Variants in GALNT17 observed in about 807,000 individuals in gnomAD.
GALNT17 encodes the protein UDP-GalNAc:polypeptide N-acetylgalactosaminyltransferase-like 3.
Under a neutral mutation model 63.7 loss-of-function variants are expected in GALNT17, and 29 were observed. The ratio of observed to expected loss-of-function variants is 0.46; its 90% CI spans 0.34 to 0.62. The LOEUF (loss-of-function observed/expected upper bound fraction) is 0.62, where lower values mean the gene tolerates loss of function less well. Ranked by LOEUF, GALNT17 falls within the 20% of genes least tolerant of loss-of-function variation. The probability of loss-of-function intolerance (pLI) is 0.01; values close to 1 mark genes in which losing one functional copy is unlikely to be tolerated. For synonymous variants in GALNT17, 305 were observed against 318.3 expected (o/e 0.96, Z 0.45); for missense variants, 603 against 799.6 (o/e 0.75, Z 2.97).
chr7:71,165,868 G>A (rs190445201), intron 1 of GALNT17, among the ~76,000 whole-genome samples: 1 of 152,118 alleles, frequency 6.6e-6, no homozygotes, highest in Admixed American at 6.5e-5. Flanking sequence ...TGGAGTATGT[G>A]ACTATGTAAA....
At chr7:71,156,753 C>A (rs898618014) in intron 1 of GALNT17, among the ~76,000 whole-genome samples, 2 of 150,290 alleles carry the variant, frequency 1.3e-5, no homozygotes, top group Non-Finnish European at 2.9e-5. Flanking sequence ...CTCTGTTGCC[C>A]AGGCTCACTG....
chr7:71,190,010 A>G (rs1431007415), intron 1 of GALNT17, among the ~76,000 whole-genome samples: 1 of 151,824 alleles, frequency 6.6e-6, no homozygotes, highest in Admixed American at 6.6e-5. Context: ...GCAGGGTTTC[A>G]CTGTGTTAGC....
chr7:71,696,792 T>C (rs913557694), intron 9 of GALNT17, among the ~76,000 whole-genome samples: 1 of 152,152 alleles, frequency 6.6e-6, no homozygotes, highest in Non-Finnish European at 1.5e-5. Context: ...AGGAGCCAAA[T>C]AGAGTAATCC....
intron 9 of GALNT17, among the ~76,000 whole-genome samples, chr7:71,692,250 G>A (rs550312618): frequency 2.0e-5 from 3 of 152,222 alleles, no homozygotes; most frequent in African/African-American, 7.2e-5. Flanking sequence ...AGGCACAATA[G>A]CATTTCAGAG....
intron 5 of GALNT17, among the ~76,000 whole-genome samples, chr7:71,499,184 C>T (rs898229260): frequency 6.6e-6 from 1 of 152,164 alleles, no homozygotes; most frequent in Non-Finnish European, 1.5e-5. Context: ...AGACCGTCAT[C>T]CCCTTACCTG....
chr7:71,681,422 C>T (rs944330707), intron 9 of GALNT17, among the ~76,000 whole-genome samples: 18 of 152,256 alleles, frequency 1.2e-4, no homozygotes, highest in Admixed American at 7.2e-4. Context: ...CTGAGATGGC[C>T]AAGAGTTGGA....
intron 5 of GALNT17, among the ~76,000 whole-genome samples, chr7:71,450,365 C>G (rs1372651092): frequency 6.6e-6 from 1 of 152,034 alleles, no homozygotes; most frequent in Non-Finnish European, 1.5e-5. Flanking sequence ...GTCGCGACCT[C>G]AAGTGATCCA....
intron 5 of GALNT17, among the ~76,000 whole-genome samples, chr7:71,511,982 C>T (rs1036369010): frequency 2.6e-5 from 4 of 151,724 alleles, no homozygotes; most frequent in African/African-American, 7.3e-5. Flanking sequence ...TCAACACTAA[C>T]CCTATGTCAA....
Position 71,347,334 on chromosome 7 carries a change from A to C in GALNT17, c.422+11601A>C, listed in dbSNP as rs560633365. The stretch of plus-strand genomic sequence containing the variant: ...AAGTTGCTTAACCTGTCTGTGCCTC[A>C]GTTTCCTCATATGTAAAATGGTGAT... On this transcript the variant is annotated intron_variant, in intron 2 of 10. Transcript: ENST00000333538. Among the ~76,000 whole-genome samples the C allele has an allele frequency of 6.2e-4, 95 of 152,276 alleles. 1 individual carries two copies. Among genetic ancestry groups the C allele is most frequent in the African/African-American group, 2.1e-3 (89 of 41,576 alleles).
chr7:71,633,570 T>TTATG (rs1355407440), intron 6 of GALNT17, among the ~76,000 whole-genome samples: 37 of 152,256 alleles, frequency 2.4e-4, no homozygotes, highest in African/African-American at 7.7e-4. Context: ...ATTTATTTAT[T>TTATG]TATGTAGGGG....
intron 3 of GALNT17, among the ~76,000 whole-genome samples, chr7:71,410,010 T>C (rs952583284): frequency 1.3e-5 from 2 of 152,160 alleles, no homozygotes; most frequent in African/African-American, 4.8e-5. Flanking sequence ...AGCAGTTTCA[T>C]TGGTATGCAG....
intron 1 of GALNT17, among the ~76,000 whole-genome samples, chr7:71,194,936 C>G (rs57629982): frequency 0.13 from 19,525 of 152,230 alleles, 1,549 homozygotes; most frequent in African/African-American, 0.21. Flanking sequence ...CACAGCTTCT[C>G]ATCATTGCAC....
intron 1 of GALNT17, among the ~76,000 whole-genome samples, chr7:71,309,987 G>A (rs1053028598): frequency 2.6e-5 from 4 of 152,046 alleles, no homozygotes; most frequent in East Asian, 1.9e-4. Flanking sequence ...TCGTGATAGC[G>A]AATAAGTCTC....
At chr7:71,183,403 A>G (rs1262351754) in intron 1 of GALNT17, among the ~76,000 whole-genome samples, 2 of 152,088 alleles carry the variant, frequency 1.3e-5, no homozygotes, top group African/African-American at 2.4e-5. Context: ...CTTCCACTCC[A>G]TTCAAAGGCT....
chr7:71,407,154 C>T (rs936105646), intron 3 of GALNT17, among the ~76,000 whole-genome samples: 4 of 152,128 alleles, frequency 2.6e-5, no homozygotes, highest in Non-Finnish European at 5.9e-5. Flanking sequence ...TGGATTCTCT[C>T]CACATCCAGT....
At chr7:71,429,158 G>A (rs944443628) in intron 5 of GALNT17, among the ~76,000 whole-genome samples, 1 of 152,192 alleles carries the variant, frequency 6.6e-6, no homozygotes, top group Non-Finnish European at 1.5e-5. Context: ...GACACGAAGA[G>A]CCCTGTTTTA....
At chr7:71,665,655 C>A (rs764859739) in intron 7 of GALNT17, 59 bp downstream of exon 7, 1 of 1,532,268 alleles carries the variant, frequency 6.5e-7, no homozygotes. Context: ...TGTTTGATCA[C>A]TATTTATTTA....
chr7:71,287,570 T>C (rs1236770421), intron 1 of GALNT17, among the ~76,000 whole-genome samples: 2 of 152,210 alleles, frequency 1.3e-5, no homozygotes, highest in Non-Finnish European at 2.9e-5. Context: ...TTAGAGGCAC[T>C]GACCTTATAG....
At chr7:71,419,035 C>T (rs555441984) in intron 4 of GALNT17, among the ~76,000 whole-genome samples, 1 of 152,254 alleles carries the variant, frequency 6.6e-6, no homozygotes, top group African/African-American at 2.4e-5. Flanking sequence ...GAGCTGAGAT[C>T]ATGCCATTGC....
Sources: allele counts gnomAD v4.1 joint callset (sites outside exome capture counted in the v4.1 genomes callset), GRCh38; gene constraint gnomAD v4.1.1; transcripts MANE v1.5; gene names NCBI Gene and HGNC (gene_info 2026-07-23, HGNC 2026-07-21).